Variants in GLDC observed in about 807,000 individuals in gnomAD.
GLDC encodes the protein glycine dehydrogenase (decarboxylating), mitochondrial.
Under a neutral mutation model 121.3 loss-of-function variants are expected in GLDC, and 104 were observed. That is an observed-to-expected ratio of 0.86 (90% CI 0.73 to 1.01). The LOEUF (loss-of-function observed/expected upper bound fraction) is 1.01, where lower values mean the gene tolerates loss of function less well. Among genes scored for constraint, GLDC ranks in the 50% least tolerant of loss-of-function variants. The pLI, the probability that GLDC is intolerant of heterozygous loss-of-function variation, is 0.00. For synonymous variants in GLDC, 546 were observed against 480.6 expected, an observed-to-expected ratio of 1.14 and a Z score of -1.78; for missense variants, 1,429 against 1,306.6, an observed-to-expected ratio of 1.09 and a Z score of -1.44.
intron 17 of GLDC, among the ~76,000 whole-genome samples, chr9:6,557,136 T>C (rs1003615606): frequency 6.6e-6 from 1 of 152,176 alleles, no homozygotes; most frequent in African/African-American, 2.4e-5. Flanking sequence ...ATATATAATT[T>C]TGAATAGTTA....
Position 6,606,684 on chromosome 9 carries a change from A to G in GLDC, c.636-15T>C. The G allele has an allele frequency of 6.7e-7, 1 of 1,494,622 alleles. No individual in the cohort carries two copies. Among genetic ancestry groups the G allele is most frequent in the Non-Finnish European group, 9.3e-7 (1 of 1,072,226 alleles). 92.6% of individuals were successfully genotyped at this position (1,494,622 alleles called of 1,614,324 possible). The stretch of plus-strand genomic sequence containing the variant: ...TCTTGTTGTGTCTGTTGAAAAGAAA[A>G]AGCACATTCCAACGTGAACATTAAA... On this transcript the variant is annotated splice_polypyrimidine_tract_variant and intron_variant, in intron 4 of 24. Coordinates refer to ENST00000321612, the MANE Select transcript of GLDC (RefSeq NM_000170.3).
intron 17 of GLDC, 129 bp from the exon 18 acceptor site, chr9:6,556,431 C>G (rs1817632625): frequency 4.0e-6 from 3 of 757,238 alleles, no homozygotes; most frequent in Non-Finnish European, 7.0e-6. Flanking sequence ...GGAACTGTCT[C>G]AAAGTACAAT....
chr9:6,645,107 C>T, intron 1 of GLDC, 138 bp downstream of exon 1: 1 of 845,170 alleles, frequency 1.2e-6, no homozygotes, highest in Non-Finnish European at 1.8e-6. Context: ...GAATTTGCTT[C>T]CACGCCACGG....
At chr9:6,627,244 C>G (rs941407366) in intron 2 of GLDC, among the ~76,000 whole-genome samples, 1 of 141,390 alleles carries the variant, frequency 7.1e-6, no homozygotes, top group Admixed American at 7.5e-5. Flanking sequence ...TGCAGTGAGC[C>G]GAGATCACGC....
At chr9:6,574,326 G>C (rs1818021250) in intron 15 of GLDC, among the ~76,000 whole-genome samples, 1 of 152,036 alleles carries the variant, frequency 6.6e-6, no homozygotes, top group Non-Finnish European at 1.5e-5. Context: ...AATTAGCTGG[G>C]CGTGGTGGCG....
At chr9:6,574,486 A>G (rs1417205842) in intron 15 of GLDC, among the ~76,000 whole-genome samples, 1 of 151,828 alleles carries the variant, frequency 6.6e-6, no homozygotes, top group Non-Finnish European at 1.5e-5. Flanking sequence ...AACAAAGAAA[A>G]GAAAAAAAAA....
At chr9:6,579,464 T>C (rs750119933) in intron 15 of GLDC, among the ~76,000 whole-genome samples, 31 of 152,206 alleles carry the variant, frequency 2.0e-4, no homozygotes, top group Admixed American at 6.6e-4. Context: ...TTCCTCCAAG[T>C]ACCTTTCCAA....
At chr9:6,611,538 A>G (rs1446553694) in intron 3 of GLDC, among the ~76,000 whole-genome samples, 1 of 145,330 alleles carries the variant, frequency 6.9e-6, no homozygotes, top group Non-Finnish European at 1.5e-5. Context: ...CCTGGGCAAC[A>G]GAGCAAGACT....
intron 3 of GLDC, among the ~76,000 whole-genome samples, chr9:6,618,738 G>C (rs1437895046): frequency 6.6e-6 from 1 of 152,066 alleles, no homozygotes; most frequent in African/African-American, 2.4e-5. Context: ...GACCAGAGTG[G>C]GCAGGAGACA....
At chr9:6,621,377 A>C (rs541898970) in intron 2 of GLDC, among the ~76,000 whole-genome samples, 218 of 152,292 alleles carry the variant, frequency 1.4e-3, no homozygotes, top group African/African-American at 5.1e-3. Context: ...CTTTTCGCAC[A>C]GCCTAGGGTA....
intron 4 of GLDC, among the ~76,000 whole-genome samples, chr9:6,608,537 G>A (rs1160499050): frequency 1.3e-5 from 2 of 148,496 alleles, no homozygotes; most frequent in Non-Finnish European, 3.0e-5. Context: ...TCAGGAGATC[G>A]AGACCCTCCT....
At chr9:6,578,600 C>T (rs773491251) in intron 15 of GLDC, among the ~76,000 whole-genome samples, 2 of 151,158 alleles carry the variant, frequency 1.3e-5, no homozygotes, top group South Asian at 2.1e-4. Context: ...AGTGCAGTGG[C>T]GTGATCATGG....
intron 20 of GLDC, 60 bp from the exon 21 acceptor site, chr9:6,550,974 A>T (rs1175680828): frequency 1.8e-6 from 2 of 1,104,972 alleles, no homozygotes; most frequent in East Asian, 4.7e-5. Flanking sequence ...ATGTGAAGAA[A>T]CCAACCAAAA....
Position 6,553,489 on chromosome 9 carries a change from A to C in GLDC, c.2336T>G (p.Phe779Cys). The change falls in exon 20 of 25, where the codon TTT becomes TGT. Residue 779 changes from phenylalanine to cysteine, a missense_variant. Coordinates refer to ENST00000321612, the MANE Select transcript of GLDC (RefSeq NM_000170.3). The part of the protein sequence containing the change: ...PIGVKKHLAP[F>C]LPNHPVISLK... ...TGAAATGACGGGATGATTGGGCAAA[A>C]ACGGGGCGAGATGTTTCTTCCTGTA... The C allele has an allele frequency of 6.2e-7, 1 of 1,613,442 alleles. No individual in the cohort carries two copies. Among genetic ancestry groups the C allele is most frequent in the Non-Finnish European group, 8.5e-7 (1 of 1,179,834 alleles).
intron 2 of GLDC, among the ~76,000 whole-genome samples, chr9:6,631,671 T>C (rs1326293607): frequency 6.6e-6 from 1 of 152,174 alleles, no homozygotes; most frequent in Non-Finnish European, 1.5e-5. Context: ...CAAAGGTACA[T>C]TGTCATGGCC....
rs138640017 is a variant in GLDC at position 6,533,092 on chromosome 9, C to G, written c.2988G>C (p.Gln996His). ...IARIDDIYGD[Q>H]HLVCTCPPME... The stretch of plus-strand genomic sequence containing the variant: ...TGGGTGGGCAGGTACAAACCAGGTG[C>G]TGATCTCCATATATGTCATCAATCC... The change falls in exon 25 of 25, where the codon CAG becomes CAC. Residue 996 changes from glutamine to histidine, a missense_variant. Transcript: ENST00000321612. 6.1e-4 allele frequency: 979 copies of G among 1,611,036 alleles called. 4 individuals are homozygous for G. The highest frequency in any genetic ancestry group is 2.5e-4 in the Non-Finnish European group (299 of 1,177,198).
chr9:6,610,675 A>T (rs1818833744), intron 3 of GLDC, among the ~76,000 whole-genome samples: 1 of 152,136 alleles, frequency 6.6e-6, no homozygotes. Flanking sequence ...ATCACGACTC[A>T]CTGAGCCTCA....
chr9:6,558,343 A>C, intron 17 of GLDC: 1 of 675,370 alleles, frequency 1.5e-6, no homozygotes, highest in Non-Finnish European at 2.6e-6. Context: ...TACCACCATG[A>C]ATAATTCATT....
intron 2 of GLDC, among the ~76,000 whole-genome samples, chr9:6,627,268 C>T (rs918556030): frequency 7.0e-6 from 1 of 143,258 alleles, no homozygotes. Flanking sequence ...TGCACTCCAG[C>T]CTGGGCAACA....
Sources: gnomAD v4.1 joint callset for allele counts (sites outside exome capture counted in the v4.1 genomes callset) on GRCh38, gnomAD v4.1.1 for gene constraint, MANE v1.5 for transcripts, NCBI Gene and HGNC (gene_info 2026-07-23, HGNC 2026-07-21) for gene names.